The following CCDC148 variants were observed in gnomAD, a reference collection of about 807,000 sequenced individuals.
The protein encoded by CCDC148 is coiled-coil domain-containing protein 148.
A neutral mutation model predicts 85.7 loss-of-function variants in CCDC148; 89 were observed. The ratio of observed to expected loss-of-function variants is 1.04; its 90% CI spans 0.87 to 1.24. The LOEUF is 1.24. CCDC148 is among the 50% of genes most tolerant of loss of function. The pLI is 0.00. For missense variants in CCDC148, 692 were observed against 671.7 expected, an observed-to-expected ratio of 1.03 and a Z score of -0.33; for synonymous variants, 230 against 213.9, an observed-to-expected ratio of 1.08 and a Z score of -0.66.
intron 10 of CCDC148, among the ~76,000 whole-genome samples, chr2:158,231,306 T>G (rs1007918699): frequency 1.3e-5 from 2 of 152,176 alleles, no homozygotes; most frequent in African/African-American, 4.8e-5. Context: ...TTACTTTATC[T>G]TTAAGATGAG....
intron 1 of CCDC148, among the ~76,000 whole-genome samples, chr2:158,367,609 C>G (rs939993452): frequency 6.6e-6 from 1 of 152,126 alleles, no homozygotes; most frequent in Non-Finnish European, 1.5e-5. Flanking sequence ...CTCACCATCT[C>G]TATGTACTTC....
At chr2:158,443,511 A>G (rs943837332) in intron 1 of CCDC148, among the ~76,000 whole-genome samples, 5 of 113,092 alleles carry the variant, frequency 4.4e-5, no homozygotes, top group Admixed American at 9.5e-5. Context: ...CAAAAAAAAA[A>G]AAAAAAAAAA....
intron 1 of CCDC148, among the ~76,000 whole-genome samples, chr2:158,455,772 A>G (rs1688649917): frequency 1.3e-5 from 2 of 152,230 alleles, no homozygotes; most frequent in South Asian, 2.1e-4. Context: ...TAAGAAGGTG[A>G]TATCTAAACA....
At chr2:158,275,085 A>C (rs1689867867) in intron 9 of CCDC148, among the ~76,000 whole-genome samples, 1 of 152,226 alleles carries the variant, frequency 6.6e-6, no homozygotes, top group East Asian at 1.9e-4. Flanking sequence ...AAGAAGAAAC[A>C]CTTGCTCTCT....
chr2:158,325,527 G>A (rs1278201411), intron 7 of CCDC148, among the ~76,000 whole-genome samples: 1 of 152,046 alleles, frequency 6.6e-6, no homozygotes, highest in Non-Finnish European at 1.5e-5. Context: ...CACTACTTTA[G>A]TGATCACATC....
chr2:158,377,585 G>A (rs1684707146), intron 1 of CCDC148, among the ~76,000 whole-genome samples: 1 of 151,962 alleles, frequency 6.6e-6, no homozygotes, highest in African/African-American at 2.4e-5. Context: ...GGGCTATCTG[G>A]CGACATACAG....
intron 1 of CCDC148, among the ~76,000 whole-genome samples, chr2:158,408,059 T>C (rs1381975557): frequency 6.6e-6 from 1 of 152,174 alleles, no homozygotes; most frequent in African/African-American, 2.4e-5. Context: ...AAACACTTTA[T>C]ATATGATGAA....
At chr2:158,376,806 A>C (rs1208066279) in intron 1 of CCDC148, among the ~76,000 whole-genome samples, 1 of 152,098 alleles carries the variant, frequency 6.6e-6, no homozygotes, top group Non-Finnish European at 1.5e-5. Flanking sequence ...CCTCCCTATA[A>C]AGGCAAATTT....
chr2:158,305,737 G>C (rs1357760857), intron 9 of CCDC148, among the ~76,000 whole-genome samples: 2 of 109,692 alleles, frequency 1.8e-5, no homozygotes, highest in Non-Finnish European at 3.4e-5. Flanking sequence ...CTGGGCAACA[G>C]AATGAAACCC....
intron 1 of CCDC148, among the ~76,000 whole-genome samples, chr2:158,404,121 T>C (rs536409469): frequency 3.3e-5 from 5 of 152,268 alleles, no homozygotes; most frequent in African/African-American, 1.2e-4. Flanking sequence ...CAGTGCCTGG[T>C]ATAGAGCAAA....
At chr2:158,312,064 T>C (rs1692046958) in intron 8 of CCDC148, among the ~76,000 whole-genome samples, 1 of 152,202 alleles carries the variant, frequency 6.6e-6, no homozygotes, top group African/African-American at 2.4e-5. Flanking sequence ...TGACTCTGAA[T>C]TTAATACATT....
chr2:158,405,377 T>C (rs957321506), intron 1 of CCDC148, among the ~76,000 whole-genome samples: 1 of 152,292 alleles, frequency 6.6e-6, no homozygotes, highest in South Asian at 2.1e-4. Context: ...ATAGTGCTTG[T>C]ATACCTCTTA....
chr2:158,277,573 A>T (rs548527829), intron 9 of CCDC148, among the ~76,000 whole-genome samples: 2 of 152,240 alleles, frequency 1.3e-5, no homozygotes, highest in South Asian at 4.2e-4. Context: ...CAATACTCAC[A>T]ACAACACAGT....
intron 1 of CCDC148, among the ~76,000 whole-genome samples, chr2:158,381,880 C>T (rs1684883709): frequency 6.6e-6 from 1 of 152,088 alleles, no homozygotes; most frequent in East Asian, 1.9e-4. Flanking sequence ...AGAAACTACT[C>T]AGATACTATG....
intron 9 of CCDC148, among the ~76,000 whole-genome samples, chr2:158,253,784 A>G (rs1315700704): frequency 6.6e-6 from 1 of 151,740 alleles, no homozygotes; most frequent in Non-Finnish European, 1.5e-5. Context: ...AAAATTTCAT[A>G]TTAACAATTA....
intron 3 of CCDC148, among the ~76,000 whole-genome samples, chr2:158,342,021 CTTTTCTTTTTTT>C (rs1682731980): frequency 1.2e-5 from 1 of 85,624 alleles, no homozygotes; most frequent in Non-Finnish European, 2.0e-5. Context: ...TCATTATTTT[CTTTTCTTTTTTT>C]TTTTTTTTTT....
chr2:158,402,286 T>C (rs1444098484), intron 1 of CCDC148, among the ~76,000 whole-genome samples: 1 of 152,122 alleles, frequency 6.6e-6, no homozygotes, highest in Non-Finnish European at 1.5e-5. Flanking sequence ...GTTCACTGCA[T>C]TATGTTCAGA....
chr2:158,420,676 C>A (rs1184119932), intron 1 of CCDC148, among the ~76,000 whole-genome samples: 1 of 152,126 alleles, frequency 6.6e-6, no homozygotes, highest in Non-Finnish European at 1.5e-5. Context: ...GAAACTGCAT[C>A]AAGTAACGAG....
chr2:158,210,126 G>A (rs1333385929), intron 11 of CCDC148, among the ~76,000 whole-genome samples: 2 of 152,080 alleles, frequency 1.3e-5, no homozygotes, highest in African/African-American at 2.4e-5. Context: ...TATTTACCAA[G>A]CAAATGGAAA....
Sources: gnomAD v4.1 joint callset for allele counts (sites outside exome capture counted in the v4.1 genomes callset) on GRCh38, gnomAD v4.1.1 for gene constraint, MANE v1.5 for transcripts, NCBI Gene and HGNC (gene_info 2026-07-23, HGNC 2026-07-21) for gene names.